Variants in ARHGAP26 observed in about 807,000 individuals in gnomAD.
ARHGAP26 encodes rho GTPase-activating protein 26.
A neutral mutation model predicts 104.8 loss-of-function variants in ARHGAP26; 38 were observed. That is an observed-to-expected ratio of 0.36 (90% CI 0.28 to 0.48). ARHGAP26 has a LOEUF of 0.48. Ranked by LOEUF, ARHGAP26 falls within the 20% of genes least tolerant of loss-of-function variation. The pLI is 0.99. For synonymous variants in ARHGAP26, 341 were observed against 340.0 expected, an observed-to-expected ratio of 1.00 and a Z score of -0.03; for missense variants, 704 against 947.9, an observed-to-expected ratio of 0.74 and a Z score of 3.38.
At chr5:143,221,920 G>A (rs1236649029) in intron 22 of ARHGAP26, among the ~76,000 whole-genome samples, 1 of 121,486 alleles carries the variant, frequency 8.2e-6, no homozygotes, top group African/African-American at 3.4e-5. Flanking sequence ...GTGGGTGGAT[G>A]GATGGAAGGA....
At chr5:142,887,691 G>A (rs1306094502) in intron 5 of ARHGAP26, among the ~76,000 whole-genome samples, 1 of 152,120 alleles carries the variant, frequency 6.6e-6, no homozygotes, top group Non-Finnish European at 1.5e-5. Flanking sequence ...CAGTTCTCAG[G>A]CATTGCTTTT....
At chr5:143,157,814 G>A (rs771576525) in intron 20 of ARHGAP26, among the ~76,000 whole-genome samples, 11 of 152,202 alleles carry the variant, frequency 7.2e-5, no homozygotes, top group African/African-American at 2.7e-4. Flanking sequence ...CACGTGAAAA[G>A]CATTGGTAAG....
At chr5:143,124,207 T>C (rs145070942) in intron 18 of ARHGAP26, among the ~76,000 whole-genome samples, 2 of 152,200 alleles carry the variant, frequency 1.3e-5, no homozygotes, top group African/African-American at 2.4e-5. Flanking sequence ...GGTATTTACT[T>C]TGTGCTTCGG....
intron 12 of ARHGAP26, among the ~76,000 whole-genome samples, chr5:143,025,090 C>T (rs754701105): frequency 6.6e-6 from 1 of 152,106 alleles, no homozygotes; most frequent in Non-Finnish European, 1.5e-5. Context: ...ATTCTTATTA[C>T]CAATAATGTC....
intron 11 of ARHGAP26, among the ~76,000 whole-genome samples, chr5:142,962,421 A>G (rs1770408685): frequency 6.6e-6 from 1 of 152,180 alleles, no homozygotes; most frequent in African/African-American, 2.4e-5. Flanking sequence ...ACAAGAACTG[A>G]AAGAGTAGGA....
At chr5:142,772,841 T>C in intron 1 of ARHGAP26, 1 of 533,498 alleles carries the variant, frequency 1.9e-6, no homozygotes, top group Non-Finnish European at 3.8e-6. Flanking sequence ...TGGCATTGAA[T>C]CTGAGGAGGG....
At chr5:143,057,017 A>C (rs1785925393) in intron 16 of ARHGAP26, among the ~76,000 whole-genome samples, 1 of 152,212 alleles carries the variant, frequency 6.6e-6, no homozygotes, top group Admixed American at 6.5e-5. Context: ...GATGAGTACC[A>C]TCAGTCTATT....
In ARHGAP26 at chr5:142,874,677, T is replaced by C. The variant is rs139237055; in HGVS notation, c.251-433T>C. On this transcript the variant is annotated intron_variant, in intron 2 of 22. Coordinates refer to ENST00000645722, the MANE Select transcript of ARHGAP26 (RefSeq NM_001135608.3). Reference sequence around the variant, plus strand: ...GAGAAGCCAGAGATGTGGCTTCCAATGCCAGCAGCATTGTTTATTTAGCTC... The same window carrying C: ...GAGAAGCCAGAGATGTGGCTTCCAACGCCAGCAGCATTGTTTATTTAGCTC... Among the ~76,000 whole-genome samples, 398 of 152,280 alleles carry C rather than the reference T, an allele frequency of 2.6e-3. 3 individuals are homozygous for C. Among genetic ancestry groups the C allele is most frequent in the African/African-American group, 9.0e-3 (374 of 41,550 alleles).
intron 20 of ARHGAP26, among the ~76,000 whole-genome samples, chr5:143,178,761 T>G (rs995413332): frequency 1.3e-5 from 2 of 152,230 alleles, no homozygotes; most frequent in South Asian, 4.1e-4. Flanking sequence ...AGTGGGAAAC[T>G]GAGGTTCAGG....
At chr5:143,007,507 C>G (rs1376019508) in intron 11 of ARHGAP26, among the ~76,000 whole-genome samples, 1 of 152,124 alleles carries the variant, frequency 6.6e-6, no homozygotes. Flanking sequence ...ACTGCTTAGC[C>G]TCTTTTGAGT....
At chr5:142,780,846 C>G (rs1275651897) in intron 1 of ARHGAP26, among the ~76,000 whole-genome samples, 1 of 152,204 alleles carries the variant, frequency 6.6e-6, no homozygotes, top group Non-Finnish European at 1.5e-5. Context: ...CCGGTGGGCA[C>G]TGGAATTCCT....
chr5:142,989,990 A>T (rs1164656839), intron 11 of ARHGAP26, among the ~76,000 whole-genome samples: 7 of 150,780 alleles, frequency 4.6e-5, no homozygotes, highest in Non-Finnish European at 1.0e-4. Flanking sequence ...CCTGAATTTG[A>T]ATGTTGGCCT....
At chr5:142,973,051 G>A (rs1772510536) in intron 11 of ARHGAP26, among the ~76,000 whole-genome samples, 1 of 151,808 alleles carries the variant, frequency 6.6e-6, no homozygotes, top group South Asian at 2.1e-4. Context: ...GGATTGATTT[G>A]GGGTTGTTTT....
At chr5:143,058,991 A>G (rs900256950) in intron 17 of ARHGAP26, among the ~76,000 whole-genome samples, 3 of 152,364 alleles carry the variant, frequency 2.0e-5, no homozygotes, top group African/African-American at 7.2e-5. Flanking sequence ...GGTGTCAAAG[A>G]ATCCCGATGA....
chr5:143,038,254 T>A (rs1233206501), intron 13 of ARHGAP26, among the ~76,000 whole-genome samples: 2 of 152,202 alleles, frequency 1.3e-5, no homozygotes, highest in Non-Finnish European at 2.9e-5. Context: ...ATACACTTTT[T>A]TTTCCATAAG....
At chr5:142,878,103 T>A (rs749761739) in intron 3 of ARHGAP26, among the ~76,000 whole-genome samples, 1 of 152,250 alleles carries the variant, frequency 6.6e-6, no homozygotes, top group East Asian at 1.9e-4. Context: ...TTCAGTTAGT[T>A]CTTTACTGTG....
chr5:142,853,434 A>G (rs762810289), intron 1 of ARHGAP26, among the ~76,000 whole-genome samples: 1 of 152,126 alleles, frequency 6.6e-6, no homozygotes, highest in Non-Finnish European at 1.5e-5. Flanking sequence ...CAAGTGATCC[A>G]CCTGCCTTGG....
At chr5:143,082,788 T>C (rs1270906800) in intron 17 of ARHGAP26, among the ~76,000 whole-genome samples, 1 of 152,232 alleles carries the variant, frequency 6.6e-6, no homozygotes, top group East Asian at 1.9e-4. Flanking sequence ...TCTCTTTGAA[T>C]TTCATAAAAT....
chr5:142,868,000 T>TG (rs1414955562), intron 1 of ARHGAP26: 1 of 152,176 alleles, frequency 6.6e-6, no homozygotes, highest in Admixed American at 6.5e-5. Context: ...TGTTGGGCTT[T>TG]GGGGATAGAG....
Sources: allele counts gnomAD v4.1 joint callset (sites outside exome capture counted in the v4.1 genomes callset), GRCh38; gene constraint gnomAD v4.1.1; transcripts MANE v1.5; gene names NCBI Gene and HGNC (gene_info 2026-07-23, HGNC 2026-07-21).